TRAPPC9: variants seen among roughly 807,000 people sequenced by gnomAD.
TRAPPC9 encodes trafficking protein particle complex subunit 9.
In TRAPPC9, 83 loss-of-function variants were observed where a neutral mutation model predicts 124.0. The ratio of observed to expected loss-of-function variants is 0.67; its 90% CI spans 0.56 to 0.80. TRAPPC9 has a LOEUF of 0.80. Among genes scored for constraint, TRAPPC9 ranks in the 30% least tolerant of loss-of-function variants. TRAPPC9 has a pLI of 0.00. For missense variants in TRAPPC9, 1,302 were observed against 1,508.3 expected (o/e 0.86, Z 2.27); for synonymous variants, 638 against 617.5 (o/e 1.03, Z -0.49).
At chr8:140,029,227 AG>A (rs1194570293) in intron 17 of TRAPPC9, among the ~76,000 whole-genome samples, 1 of 152,226 alleles carries the variant, frequency 6.6e-6, no homozygotes, top group Non-Finnish European at 1.5e-5. Context: ...AAAGATGGCC[AG>A]GCATTGCGGC....
At chr8:140,167,004 A>G (rs1414364859) in intron 17 of TRAPPC9, among the ~76,000 whole-genome samples, 1 of 152,224 alleles carries the variant, frequency 6.6e-6, no homozygotes, top group Non-Finnish European at 1.5e-5. Flanking sequence ...AAAACGCATG[A>G]TCTCGCCATT....
chr8:140,453,705 T>C (rs1008242116), intron 1 of TRAPPC9, among the ~76,000 whole-genome samples: 1 of 152,154 alleles, frequency 6.6e-6, no homozygotes, highest in Non-Finnish European at 1.5e-5. Flanking sequence ...GTGCTCACGC[T>C]CTCAAGGACG....
At chr8:139,938,935 G>C (rs893179844) in intron 19 of TRAPPC9, among the ~76,000 whole-genome samples, 1 of 152,218 alleles carries the variant, frequency 6.6e-6, no homozygotes, top group Non-Finnish European at 1.5e-5. Flanking sequence ...GTGAGCCACC[G>C]CGCCCGGCCC....
chr8:140,025,646 T>C lies in TRAPPC9; in HGVS notation c.2557-1567A>G, dbSNP rs180842280. 1.3e-4 allele frequency among the ~76,000 whole-genome samples: 19 copies of C among 151,688 alleles called. No individual in the cohort carries two copies. The East Asian group carries it at 2.3e-3, about 19-fold the overall frequency. ...TGTTACATAGGGACAATAATTAATA[T>C]GTATCTCACTAGATTCGTGCAGATT... is the stretch of plus-strand genomic sequence containing the variant. On this transcript the variant is annotated intron_variant, in intron 17 of 22. Transcript: ENST00000438773.
intron 13 of TRAPPC9, 45 bp from the exon 14 acceptor site, chr8:140,284,066 G>C (rs1349314304): frequency 6.2e-7 from 1 of 1,612,466 alleles, no homozygotes; most frequent in African/African-American, 1.3e-5. Context: ...CAAGGCTTTG[G>C]GTCTCACGCC....
intron 21 of TRAPPC9, among the ~76,000 whole-genome samples, chr8:139,818,961 AG>A (rs1485021681): frequency 6.6e-6 from 1 of 152,252 alleles, no homozygotes; most frequent in Non-Finnish European, 1.5e-5. Context: ...TCTCTAGTAC[AG>A]GGGTCCCCAA....
intron 19 of TRAPPC9, among the ~76,000 whole-genome samples, chr8:139,959,982 G>A (rs1469912608): frequency 6.6e-6 from 1 of 152,172 alleles, no homozygotes; most frequent in Non-Finnish European, 1.5e-5. Context: ...GCGGCGGCGA[G>A]AGGCTCTCAC....
Position 140,180,122 on chromosome 8 carries a change from G to A in TRAPPC9, c.2556+41337C>T, listed in dbSNP as rs999033929. Among the ~76,000 whole-genome samples, 6 of 149,118 alleles carry A rather than the reference G, an allele frequency of 4.0e-5. No homozygotes were observed. In the East Asian group the frequency reaches 7.8e-4, roughly 19 times the overall value. On this transcript the variant is annotated intron_variant, in intron 17 of 22. Coordinates refer to ENST00000438773, the MANE Select transcript of TRAPPC9 (RefSeq NM_001160372.4). ...CTTCTACCACCTTGCTATTTCTCCCGTCTCTTTTTTGTTCCTTTTCTCTTC... is the reference window on the plus strand; with the variant it reads ...CTTCTACCACCTTGCTATTTCTCCCATCTCTTTTTTGTTCCTTTTCTCTTC...
chr8:139,925,174 C>T (rs7007790), intron 19 of TRAPPC9, among the ~76,000 whole-genome samples: 3 of 152,184 alleles, frequency 2.0e-5, no homozygotes, highest in Admixed American at 6.5e-5. Context: ...CACGGGGTGG[C>T]GGCGCCTCCC....
In TRAPPC9 at chr8:140,426,531, G is replaced by A. The variant is rs2070428773; in HGVS notation, c.886+84C>T. 8 of 1,322,488 alleles carry A rather than the reference G, an allele frequency of 6.0e-6. No homozygotes were observed. The South Asian group carries it at 8.5e-5, about 14-fold the overall frequency. The allele number at this position is 1,322,488 out of a possible 1,614,324, so 81.9% of individuals were successfully genotyped here. ...AGAATGTTCCAAAGATCATCATCCAGAAATTTTAACCATTCATTCACATCA... is the reference window on the plus strand; with the variant it reads ...AGAATGTTCCAAAGATCATCATCCAAAAATTTTAACCATTCATTCACATCA... On this transcript the variant is annotated intron_variant, in intron 5 of 22. Transcript: ENST00000438773.
In TRAPPC9 at chr8:140,398,771, T is replaced by C. The variant is rs562682383; in HGVS notation, c.1009-1026A>G. On this transcript the variant is annotated intron_variant, in intron 6 of 22. Coordinates refer to ENST00000438773, the MANE Select transcript of TRAPPC9 (RefSeq NM_001160372.4). ...ATGAGATAGAAAAGAAAATCAGATT[T>C]TCTTAGGAGAAATTCAAGCCAACTG... Among the ~76,000 whole-genome samples, 10 of 152,326 alleles carry C rather than the reference T, an allele frequency of 6.6e-5. No individual in the cohort carries two copies. In the South Asian group the frequency reaches 1.7e-3, roughly 25 times the overall value.
intron 19 of TRAPPC9, among the ~76,000 whole-genome samples, chr8:139,938,941 G>A (rs997586161): frequency 1.3e-5 from 2 of 152,180 alleles, no homozygotes; most frequent in African/African-American, 2.4e-5. Flanking sequence ...CACCGCGCCC[G>A]GCCCCGATTA....
At chr8:140,329,001 G>A (rs1250132891) in intron 9 of TRAPPC9, among the ~76,000 whole-genome samples, 1 of 152,158 alleles carries the variant, frequency 6.6e-6, no homozygotes, top group Admixed American at 6.5e-5. Context: ...CCAGCAGGTT[G>A]AGTCTAAAGC....
intron 19 of TRAPPC9, among the ~76,000 whole-genome samples, chr8:139,938,936 C>T (rs1010233155): frequency 4.5e-4 from 69 of 152,214 alleles, no homozygotes; most frequent in African/African-American, 1.0e-3. Context: ...TGAGCCACCG[C>T]GCCCGGCCCC....
intron 21 of TRAPPC9, among the ~76,000 whole-genome samples, chr8:139,851,598 G>A (rs1313053480): frequency 6.6e-6 from 1 of 152,168 alleles, no homozygotes; most frequent in African/African-American, 2.4e-5. Flanking sequence ...AAGTGGGATA[G>A]CACTAACACG....
At chr8:140,278,816 T>C (rs953349201) in intron 14 of TRAPPC9, among the ~76,000 whole-genome samples, 3 of 152,254 alleles carry the variant, frequency 2.0e-5, no homozygotes, top group Admixed American at 2.0e-4. Context: ...TCCCACTGGC[T>C]GCCTACCAGC....
intron 21 of TRAPPC9, among the ~76,000 whole-genome samples, chr8:139,839,626 C>T (rs1586959610): frequency 1.3e-5 from 2 of 152,224 alleles, no homozygotes; most frequent in African/African-American, 4.8e-5. Flanking sequence ...AGTAACTGCT[C>T]CCCGAAAGCG....
intron 17 of TRAPPC9, among the ~76,000 whole-genome samples, chr8:140,205,022 G>A (rs1014188122): frequency 6.6e-6 from 1 of 152,200 alleles, no homozygotes; most frequent in Non-Finnish European, 1.5e-5. Context: ...ATCATCTACG[G>A]AGATGTCAGT....
chr8:139,905,172 C>A (rs1477802047), intron 20 of TRAPPC9, among the ~76,000 whole-genome samples: 1 of 151,990 alleles, frequency 6.6e-6, no homozygotes, highest in Non-Finnish European at 1.5e-5. Flanking sequence ...AAGAGATGCC[C>A]CCGCCCTCCA....
Sources: allele counts gnomAD v4.1 joint callset (sites outside exome capture counted in the v4.1 genomes callset), GRCh38; gene constraint gnomAD v4.1.1; transcripts MANE v1.5; gene names NCBI Gene and HGNC (gene_info 2026-07-23, HGNC 2026-07-21).